PRKDC: variants seen among roughly 807,000 people sequenced by gnomAD.
PRKDC encodes protein kinase, DNA-activated, catalytic subunit, also known as DNA-dependent protein kinase catalytic subunit.
Under a neutral mutation model 486.9 loss-of-function variants are expected in PRKDC, and 82 were observed. The observed-to-expected ratio is 0.17, with a 90% confidence interval of 0.14 to 0.20. The LOEUF (loss-of-function observed/expected upper bound fraction) is 0.20. Among genes scored for constraint, PRKDC ranks in the 10% least tolerant of loss-of-function variants. The pLI is 1.00. For missense variants in PRKDC, 4,504 were observed against 5,038.2 expected (o/e 0.89, Z 3.21); for synonymous variants, 1,895 against 1,837.0 (o/e 1.03, Z -0.81).
rs775912901 is a variant in PRKDC, at chr8:47,817,443, G to A, written c.9557+7C>T. 2.1e-5 allele frequency: 32 copies of A among 1,560,660 alleles called. No homozygotes were observed. In the Admixed American group the frequency reaches 3.6e-4, roughly 17 times the overall value. On this transcript the variant is annotated splice_region_variant and intron_variant, in intron 68 of 85. Coordinates refer to ENST00000314191, the MANE Select transcript of PRKDC (RefSeq NM_006904.7). ...TCCACATTTGACTGAAAGGGACCAC[G>A]TCTTACCGATTTGTGATGATGTCAT... is the stretch of plus-strand genomic sequence containing the variant.
intron 85 of PRKDC, 84 bp downstream of exon 85, chr8:47,776,760 C>T: frequency 6.6e-7 from 1 of 1,508,400 alleles, no homozygotes; most frequent in Non-Finnish European, 9.1e-7. Context: ...GTCAAGAGCT[C>T]AGCACTTTGT....
intron 68 of PRKDC, among the ~76,000 whole-genome samples, chr8:47,808,402 G>C (rs984130044): frequency 6.6e-6 from 1 of 152,126 alleles, no homozygotes; most frequent in African/African-American, 2.4e-5. Context: ...TAAAGGCTGG[G>C]ATTACAGATA....
chr8:47,811,272 A>G (rs2087319936), intron 68 of PRKDC, among the ~76,000 whole-genome samples: 1 of 152,234 alleles, frequency 6.6e-6, no homozygotes, highest in Non-Finnish European at 1.5e-5. Context: ...AGATACTACA[A>G]GGGGCAGGGA....
chr8:47,939,466 G>A, intron 11 of PRKDC, 85 bp downstream of exon 11: 2 of 1,443,520 alleles, frequency 1.4e-6, no homozygotes, highest in Non-Finnish European at 1.9e-6. Flanking sequence ...ACAAGTATTA[G>A]ACACTATTCA....
chr8:47,857,305 A>G lies in PRKDC; in HGVS notation c.6466-6T>C. 6.2e-7 allele frequency: 1 copy of G among 1,601,512 alleles called. No homozygotes were observed. The highest frequency in any genetic ancestry group is 8.5e-7 in the Non-Finnish European group (1 of 1,175,306). ...TTCGCGTAAGGGCGAAAGACCTACA[A>G]GAGGATGTAAAAGTCAAACATCAAA... On this transcript the variant is annotated splice_region_variant and splice_polypyrimidine_tract_variant and intron_variant, in intron 48 of 85. Coordinates refer to ENST00000314191, the MANE Select transcript of PRKDC (RefSeq NM_006904.7).
intron 39 of PRKDC, 25 bp downstream of exon 39, chr8:47,879,466 T>G (rs1259091832): frequency 6.6e-7 from 1 of 1,514,264 alleles, no homozygotes; most frequent in Non-Finnish European, 8.9e-7. Flanking sequence ...TGTTTTAATT[T>G]TACTTGATAC....
intron 20 of PRKDC, 128 bp downstream of exon 20, chr8:47,927,643 G>A: frequency 8.1e-7 from 1 of 1,239,898 alleles, no homozygotes; most frequent in Non-Finnish European, 1.1e-6. Context: ...GGCAGAAGCA[G>A]ACCCTGACCC....
intron 22 of PRKDC, 124 bp from the exon 23 acceptor site, chr8:47,915,542 T>C: frequency 3.4e-6 from 2 of 584,062 alleles, no homozygotes; most frequent in South Asian, 2.5e-5. Context: ...GTTCCAAACT[T>C]TTTGGCAGGA....
At chr8:47,903,955 T>C (rs1447318186) in intron 26 of PRKDC, among the ~76,000 whole-genome samples, 2 of 152,192 alleles carry the variant, frequency 1.3e-5, no homozygotes, top group African/African-American at 2.4e-5. Flanking sequence ...CACTCTCCCC[T>C]ACCCGTAACA....
At chr8:47,858,814 A>T (rs2088604801) in intron 47 of PRKDC, 35 bp downstream of exon 47, 34 of 1,594,338 alleles carry the variant, frequency 2.1e-5, no homozygotes, top group Admixed American at 3.5e-5. Context: ...ACCAATGAAT[A>T]TAGTATTAAC....
rs376811493 is a variant in PRKDC, at chr8:47,927,878, T to C, written c.2152A>G (p.Met718Val). The C allele has an allele frequency of 4.4e-6, 7 of 1,573,948 alleles. No homozygotes were observed. The highest frequency in any genetic ancestry group is 6.0e-6 in the Non-Finnish European group (7 of 1,162,592). Residue 718 changes from methionine (M) to valine (V), a missense_variant, in exon 20 of 86, where the codon ATG becomes GTG. Met to Val is a conservative substitution (Grantham distance 21). Transcript: ENST00000314191. ...VKFGKEVAVK[M>V]KQYKDELLAS... ...AAAAGTTCATCTTTGTACTGCTTCA[T>C]TTTAACTGCCACCTTAACAAGAAAG...
intron 76 of PRKDC, among the ~76,000 whole-genome samples, chr8:47,786,141 G>A (rs1164533714): frequency 6.7e-6 from 1 of 149,984 alleles, no homozygotes; most frequent in Admixed American, 6.7e-5. Flanking sequence ...GACCAGGCGC[G>A]GTGGCTCATG....
chr8:47,831,934 G>T lies in PRKDC; in HGVS notation c.8153-8C>A, dbSNP rs780102495. The T allele has an allele frequency of 6.2e-6, 10 of 1,608,042 alleles. No homozygotes were observed. The highest frequency in any genetic ancestry group is 1.1e-5 in the South Asian group (1 of 90,846). ...CCGTCCGGCCGGCCGCACCTGGAGA[G>T]GGAAAGCAGGCCCAGTTACTCCCCG... On this transcript the variant is annotated splice_region_variant and splice_polypyrimidine_tract_variant and intron_variant, in intron 59 of 85. Coordinates refer to ENST00000314191, the MANE Select transcript of PRKDC (RefSeq NM_006904.7).
chr8:47,885,958 C>G lies in PRKDC; in HGVS notation c.4762G>C (p.Asp1588His). The G allele has an allele frequency of 1.2e-6, 2 of 1,613,126 alleles. No homozygotes were observed. Among genetic ancestry groups the G allele is most frequent in the Non-Finnish European group, 1.7e-6 (2 of 1,179,258 alleles). Residue 1588 changes from aspartate (D) to histidine (H), a missense_variant, in exon 36 of 86, where the codon GAT becomes CAT. Physicochemically the swap from Asp to His is moderately conservative, Grantham distance 81. Transcript: ENST00000314191. ...AACTTTGTTACCATTTTGGTATTAT[C>G]CACTGAAGACTGCATGAGCTCCAAT... is the stretch of plus-strand genomic sequence containing the variant. ...AVLELMQSSV[D>H]NTKMVSAVLN...
chr8:47,947,008 C>T (rs2090544036), intron 7 of PRKDC, among the ~76,000 whole-genome samples: 1 of 152,190 alleles, frequency 6.6e-6, no homozygotes, highest in South Asian at 2.1e-4. Context: ...AATGAGATCC[C>T]AGCTCAGAAA....
chr8:47,877,908 T>C lies in PRKDC; in HGVS notation c.5236-57A>G, dbSNP rs1043670715. On this transcript the variant is annotated intron_variant, in intron 39 of 85. Transcript: ENST00000314191. ...TTGTTGGGTTTTACTTTTGCTTCAA[T>C]AGTTAAATTATATACTAAAAATATA... 41 of 1,278,248 alleles carry C rather than the reference T, an allele frequency of 3.2e-5. No individual in the cohort carries two copies. In the African/African-American group the frequency reaches 4.9e-4, roughly 15 times the overall value. 79.2% of individuals were successfully genotyped at this position (1,278,248 alleles called of 1,614,324 possible). A position where few individuals can be genotyped will look rare whatever the true frequency, so the allele number is the denominator to read the frequency against.
At chr8:47,864,863 A>C in intron 40 of PRKDC, 100 bp from the exon 41 acceptor site, 2 of 1,057,126 alleles carry the variant, frequency 1.9e-6, no homozygotes, top group Non-Finnish European at 2.6e-6. Flanking sequence ...AGTGATTACA[A>C]ATTACAAAAA....
At chr8:47,800,706 A>G in intron 71 of PRKDC, 87 bp downstream of exon 71, 1 of 1,219,116 alleles carries the variant, frequency 8.2e-7, no homozygotes, top group Non-Finnish European at 1.1e-6. Context: ...ACAAAGCAAC[A>G]TCCTTATTAT....
intron 21 of PRKDC, among the ~76,000 whole-genome samples, chr8:47,922,060 C>T (rs35024522): frequency 2.0e-5 from 3 of 151,978 alleles, no homozygotes; most frequent in African/African-American, 7.3e-5. Flanking sequence ...GGATTACAGG[C>T]GTGAGCCACT....
Sources: allele counts gnomAD v4.1 joint callset (sites outside exome capture counted in the v4.1 genomes callset), GRCh38; gene constraint gnomAD v4.1.1; transcripts MANE v1.5; gene names NCBI Gene and HGNC (gene_info 2026-07-23, HGNC 2026-07-21).